Variants in LRRK1 observed in about 807,000 individuals in gnomAD.
LRRK1 encodes the protein leucine-rich repeat serine/threonine-protein kinase 1.
LRRK1 carries 113 observed loss-of-function variants against 209.1 expected under a neutral mutation model. The observed-to-expected ratio is 0.54, with a 90% CI of 0.46 to 0.63. The LOEUF (loss-of-function observed/expected upper bound fraction) is 0.63, where lower values mean the gene tolerates loss of function less well. Among genes scored for constraint, LRRK1 ranks in the 30% least tolerant of loss-of-function variants. The pLI is 0.00. For synonymous variants in LRRK1, 1,144 were observed against 1,099.7 expected, an observed-to-expected ratio of 1.04 and a Z score of -0.80; for missense variants, 2,284 against 2,632.2, an observed-to-expected ratio of 0.87 and a Z score of 2.89.
rs373483365 is a variant in LRRK1, at chr15:101,068,816, C to T, written c.6016C>T (p.Arg2006Trp). 9.3e-6 allele frequency: 15 copies of T among 1,609,376 alleles called. No homozygotes were observed. Among genetic ancestry groups the T allele is most frequent in the South Asian group, 5.5e-5 (5 of 90,572 alleles). ...CTACCAGTCCTACGAGGAGCTGGGC[C>T]GGCTGGAGGCTTGCACTCGCAAGAG... ...IFYQSYEELG[R>W]LEACTRKRR The change falls in exon 34 of 34, where the codon CGG becomes TGG. Residue 2006 changes from arginine (R) to tryptophan (W), a missense_variant. Arg to Trp is a moderately radical substitution (Grantham distance 101). Transcript: ENST00000388948.
chr15:101,068,618 C>A, intron 33 of LRRK1, 53 bp from the exon 34 acceptor site: 4 of 1,520,944 alleles, frequency 2.6e-6, no homozygotes, highest in South Asian at 1.3e-5. Context: ...GGGTCCCAAC[C>A]CCACCCGAGT....
At position 101,024,896 on chromosome 15, in the gene LRRK1, G is replaced by A. The variant is rs199919214; in HGVS notation, c.2161G>A (p.Val721Met). Reference protein sequence around the residue: ...QCFFTDKALYVVVWNLALGEE... With the variant: ...QCFFTDKALYMVVWNLALGEE... ...CTTCTTCACGGACAAGGCCCTGTAC[G>A]TGGTGGTCTGGAACCTGGCGCTGGG... Residue 721 changes from valine to methionine, a missense_variant, in exon 16 of 34, where the codon GTG (valine) becomes ATG (methionine). Physicochemically the swap from Val to Met is conservative, Grantham distance 21 (BLOSUM62 1). Around this residue, in one of 6 missense-constraint regions of LRRK1, gnomAD observed 780 missense variants for 985.2 expected, o/e 0.79. Coordinates refer to ENST00000388948, the MANE Select transcript of LRRK1 (RefSeq NM_024652.6). The surrounding 1 kb of genome is among the most constrained non-coding windows in gnomAD (Gnocchi z 4.6). 28 of 1,614,022 alleles carry A rather than the reference G, an allele frequency of 1.7e-5. No homozygotes were observed. The highest frequency in any genetic ancestry group is 5.3e-5 in the African/African-American group (4 of 74,926).
At chr15:101,066,347 C>A in intron 32 of LRRK1, 142 bp downstream of exon 32, 2 of 1,210,032 alleles carry the variant, frequency 1.7e-6, no homozygotes, top group Non-Finnish European at 2.3e-6. Context: ...TGGTTTCCTC[C>A]ATTGGGAATG....
Position 101,056,988 on chromosome 15 carries a change from G to T in LRRK1, c.4465G>T (p.Glu1489Ter), listed in dbSNP as rs1246033369. 6.2e-7 allele frequency: 1 copy of T among 1,614,146 alleles called. No homozygotes were observed. Among genetic ancestry groups the T allele is most frequent in the Admixed American group, 1.7e-5 (1 of 60,022 alleles). ...GIRPVLGQPE[E>*]VQFRRLQALM... Reference sequence around the variant, plus strand: ...CCGCCCGGTTCTGGGGCAGCCGGAGGAAGTGCAGTTCCGGCGACTGCAGGC... The same window carrying T: ...CCGCCCGGTTCTGGGGCAGCCGGAGTAAGTGCAGTTCCGGCGACTGCAGGC... Residue 1489 changes from glutamate (E) to a stop codon, truncating the protein, a stop_gained, in exon 28 of 34, where the codon GAA (glutamate) becomes TAA (stop). Coordinates refer to ENST00000388948, the MANE Select transcript of LRRK1 (RefSeq NM_024652.6). LOFTEE classifies it high-confidence loss of function.
At chr15:101,048,116 G>A (rs541951153) in intron 21 of LRRK1, among the ~76,000 whole-genome samples, 1 of 151,822 alleles carries the variant, frequency 6.6e-6, no homozygotes, top group Admixed American at 6.5e-5. Context: ...AAAAAATCCT[G>A]GAATAATATA....
chr15:101,014,324 G>A lies in LRRK1; in HGVS notation c.1428G>A (p.Met476Ile). Reference protein sequence around the residue: ...PLGLFQLDALMFLRLQGNQLA... With the variant: ...PLGLFQLDALIFLRLQGNQLA... ...CTCCCTCTCTCTCTCAGGCCCTCAT[G>A]TTCTTGAGGTTACAGGGGAACCAGC... Residue 476 changes from methionine to isoleucine, a missense_variant, in exon 11 of 34, where the codon ATG becomes ATA. By Grantham distance (10) the Met-to-Ile change is conservative. This residue lies in a region of LRRK1 where 494 missense variants were observed against 522.1 expected (regional missense o/e 0.95). Transcript: ENST00000388948. The A allele has an allele frequency of 6.2e-7, 1 of 1,611,978 alleles. No individual in the cohort carries two copies. Among genetic ancestry groups the A allele is most frequent in the Middle Eastern group, 1.7e-4 (1 of 6,050 alleles).
rs1323287274 is a variant in LRRK1 at position 101,027,107 on chromosome 15, C to T, written c.2406-154C>T. On this transcript the variant is annotated intron_variant, in intron 17 of 33. Coordinates refer to ENST00000388948, the MANE Select transcript of LRRK1 (RefSeq NM_024652.6). The surrounding 1 kb of genome is among the most constrained non-coding windows in gnomAD (Gnocchi z 5.1). Reference sequence around the variant, plus strand: ...GTGGGGCACCCAGCACAGTGATTTGCACAAAGCAAGGCCTCAATAAACTTC... The same window carrying T: ...GTGGGGCACCCAGCACAGTGATTTGTACAAAGCAAGGCCTCAATAAACTTC... 6.6e-6 allele frequency among the ~76,000 whole-genome samples: 1 copy of T among 152,194 alleles called. No individual in the cohort carries two copies. The highest frequency in any genetic ancestry group is 2.4e-5 in the African/African-American group (1 of 41,434).
At chr15:100,973,251 G>A (rs1296979726) in intron 2 of LRRK1, among the ~76,000 whole-genome samples, 1 of 152,224 alleles carries the variant, frequency 6.6e-6, no homozygotes, top group Non-Finnish European at 1.5e-5. Context: ...GAAGCAGCGC[G>A]ACCCGAGGCC....
chr15:101,000,444 A>G (rs1596255665), intron 6 of LRRK1, among the ~76,000 whole-genome samples: 1 of 152,132 alleles, frequency 6.6e-6, no homozygotes, highest in East Asian at 1.9e-4. Context: ...TACCATCTGA[A>G]TTCTTAGAAC....
rs143626368 is a variant in LRRK1 at position 101,057,789 on chromosome 15, G to T, written c.4528-201G>T. 9.7e-4 allele frequency among the ~76,000 whole-genome samples: 148 copies of T among 152,334 alleles called. 5 individuals are homozygous for T. The East Asian group carries it at 0.024, about 25-fold the overall frequency. ...TAACCTGACCAGATGAGCTTAAATT[G>T]CCGTAGCCAAAGGTGACCCAGATAC... is the stretch of plus-strand genomic sequence containing the variant. On this transcript the variant is annotated intron_variant, in intron 28 of 33. Transcript: ENST00000388948.
chr15:101,061,507 G>C (rs1033034715), intron 30 of LRRK1, among the ~76,000 whole-genome samples: 2 of 152,240 alleles, frequency 1.3e-5, no homozygotes, highest in African/African-American at 4.8e-5. Context: ...GCTGGCTGGA[G>C]GCCGGGATTT....
intron 32 of LRRK1, among the ~76,000 whole-genome samples, 184 bp from the exon 33 acceptor site, chr15:101,066,443 CACAGTCAACTGTG>C (rs1006391408): frequency 5.3e-5 from 8 of 152,246 alleles, no homozygotes; most frequent in Non-Finnish European, 1.2e-4. Context: ...CAAGGAAAGC[CACAGTCAACTGTG>C]ACTCAGTTTC....
intron 2 of LRRK1, among the ~76,000 whole-genome samples, chr15:100,935,502 C>A (rs2141602603): frequency 6.6e-6 from 1 of 152,244 alleles, no homozygotes. Flanking sequence ...AAAGCCTTCA[C>A]AGCAGGAGTG....
At chr15:101,019,379 GA>G (rs920436558) in intron 12 of LRRK1, among the ~76,000 whole-genome samples, 1 of 151,758 alleles carries the variant, frequency 6.6e-6, no homozygotes, top group Non-Finnish European at 1.5e-5. Context: ...TTCATTGAAG[GA>G]AAAAAAAGGA....
intron 2 of LRRK1, among the ~76,000 whole-genome samples, chr15:100,926,072 T>C (rs1271007504): frequency 6.6e-6 from 1 of 152,242 alleles, no homozygotes; most frequent in African/African-American, 2.4e-5. Context: ...CAGGGTGATG[T>C]TTCTGGAAGG....
At chr15:100,922,068 T>G (rs2042030828) in intron 1 of LRRK1, among the ~76,000 whole-genome samples, 1 of 152,192 alleles carries the variant, frequency 6.6e-6, no homozygotes, top group Non-Finnish European at 1.5e-5. Flanking sequence ...CAGGTATAAA[T>G]AGTTGGCAAA....
intron 2 of LRRK1, among the ~76,000 whole-genome samples, chr15:100,971,400 CT>C (rs1198424932): frequency 2.0e-5 from 3 of 151,792 alleles, no homozygotes; most frequent in African/African-American, 7.3e-5. Context: ...CAAAGCCTGT[CT>C]TATTCATCCT....
intron 22 of LRRK1, chr15:101,049,308 TCA>T (rs1315182910): frequency 8.6e-6 from 2 of 232,956 alleles, no homozygotes. Flanking sequence ...ATAGATGTTC[TCA>T]CTTAAGGCCC....
chr15:100,951,380 G>A (rs2042648836), intron 2 of LRRK1, among the ~76,000 whole-genome samples: 1 of 152,078 alleles, frequency 6.6e-6, no homozygotes, highest in Admixed American at 6.6e-5. Context: ...AAAATGGTTT[G>A]GCAGTTTCTC....
Sources: allele counts gnomAD v4.1 joint callset (sites outside exome capture counted in the v4.1 genomes callset), GRCh38; gene constraint gnomAD v4.1.1; regional missense constraint gnomAD v4.1.1; non-coding constraint Gnocchi (gnomAD v3.1); transcripts MANE v1.5; gene names NCBI Gene and HGNC (gene_info 2026-07-23, HGNC 2026-07-21).